Variants in HMGCLL1 observed in about 807,000 individuals in gnomAD.
The protein encoded by HMGCLL1 is 3-hydroxy-3-methylglutaryl-CoA lyase like 1, also known as 3-hydroxymethyl-3-methylglutaryl-CoA lyase, cytoplasmic.
Under a neutral mutation model 39.1 loss-of-function variants are expected in HMGCLL1, and 36 were observed. The observed-to-expected ratio is 0.92, with a 90% CI of 0.71 to 1.22. HMGCLL1 has a LOEUF of 1.22. HMGCLL1 is among the 50% of genes most tolerant of loss of function. HMGCLL1 has a pLI of 0.00. For synonymous variants in HMGCLL1, 149 were observed against 144.0 expected (o/e 1.03, Z -0.25); for missense variants, 451 against 416.5 (o/e 1.08, Z -0.72).
At chr6:55,583,347 C>T (rs910244275), upstream of HMGCLL1, among the ~76,000 whole-genome samples, 3 of 151,412 alleles carry the variant, frequency 2.0e-5, no homozygotes, top group Admixed American at 6.6e-5. Flanking sequence ...CCTCCCCTCT[C>T]CCCCCACCCC....
chr6:55,654,970 A>C, the HMGCLL1 span, among the ~76,000 whole-genome samples: 4 of 151,960 alleles, frequency 2.6e-5, no homozygotes, highest in Admixed American at 1.3e-4. Context: ...TTTGAATCCC[A>C]TGTTTCAAAT....
chr6:55,448,240 T>C (rs1360783720), intron 7 of HMGCLL1, among the ~76,000 whole-genome samples: 2 of 151,582 alleles, frequency 1.3e-5, no homozygotes, highest in Non-Finnish European at 2.9e-5. Flanking sequence ...TGTTGAAAAA[T>C]AGAGACAGAG....
chr6:55,537,103 T>C (rs1769079658), intron 3 of HMGCLL1, among the ~76,000 whole-genome samples: 1 of 142,420 alleles, frequency 7.0e-6, no homozygotes. Flanking sequence ...ATAAGATTTT[T>C]TTTCCAAAAT....
chr6:55,477,291 A>ATT (rs1765430705), intron 7 of HMGCLL1, among the ~76,000 whole-genome samples: 1 of 10,104 alleles, frequency 9.9e-5, no homozygotes, highest in African/African-American at 1.0e-3. Flanking sequence ...TATTATATAT[A>ATT]AAATAATATA....
chr6:55,595,796 A>G, the HMGCLL1 span, among the ~76,000 whole-genome samples: 1 of 152,216 alleles, frequency 6.6e-6, no homozygotes, highest in Non-Finnish European at 1.5e-5. Flanking sequence ...ATAAAGATGT[A>G]AAATTTTATA....
chr6:55,676,936 T>C, the HMGCLL1 span, among the ~76,000 whole-genome samples: 2 of 152,358 alleles, frequency 1.3e-5, no homozygotes, highest in Admixed American at 6.5e-5. Flanking sequence ...TGGGGCCTAT[T>C]TATTACTTCG....
chr6:55,543,635 C>A (rs1227740407), intron 1 of HMGCLL1, among the ~76,000 whole-genome samples: 1 of 143,944 alleles, frequency 6.9e-6, no homozygotes, highest in Non-Finnish European at 1.5e-5. Flanking sequence ...GGCATATTTG[C>A]TTGAGCCCAG....
intron 5 of HMGCLL1, among the ~76,000 whole-genome samples, chr6:55,499,638 C>T (rs905852724): frequency 2.6e-5 from 4 of 151,996 alleles, no homozygotes; most frequent in Non-Finnish European, 4.4e-5. Flanking sequence ...AAAATAATTA[C>T]ATACACTCAA....
At chr6:55,501,307 T>A (rs1182770383) in intron 5 of HMGCLL1, among the ~76,000 whole-genome samples, 1 of 151,910 alleles carries the variant, frequency 6.6e-6, no homozygotes, top group Non-Finnish European at 1.5e-5. Flanking sequence ...CTATTACTCT[T>A]TTAATAATAA....
At chr6:55,599,963 T>C in the HMGCLL1 span, among the ~76,000 whole-genome samples, 1,176 of 152,294 alleles carry the variant, frequency 7.7e-3, 67 homozygotes, top group Admixed American at 0.074. Flanking sequence ...CTCATTAAGC[T>C]CTCAATTATC....
chr6:55,509,405 T>C lies in HMGCLL1; in HGVS notation c.542+4643A>G, dbSNP rs576966188. Among the ~76,000 whole-genome samples, 18 of 151,954 alleles carry C rather than the reference T, an allele frequency of 1.2e-4. No homozygotes were observed. The South Asian group carries it at 3.1e-3, about 26-fold the overall frequency. On this transcript the variant is annotated intron_variant, in intron 5 of 8. Coordinates refer to ENST00000274901, the MANE Select transcript of HMGCLL1 (RefSeq NM_001042406.2). The stretch of plus-strand genomic sequence containing the variant: ...ATGGAGCCCTAAATAAGGAGACTCA[T>C]TATCTCACTCAACAAGACTGCTATT...
At chr6:55,527,225 G>C (rs962443955) in intron 3 of HMGCLL1, among the ~76,000 whole-genome samples, 1 of 152,000 alleles carries the variant, frequency 6.6e-6, no homozygotes, top group Non-Finnish European at 1.5e-5. Context: ...CAGTCTTGTG[G>C]CATATTTTAT....
At chr6:55,645,744 A>G in the HMGCLL1 span, among the ~76,000 whole-genome samples, 1 of 151,950 alleles carries the variant, frequency 6.6e-6, no homozygotes, top group South Asian at 2.1e-4. Flanking sequence ...CTTGGGATAA[A>G]TCCCATTTGG....
At chr6:55,662,869 T>TAA in the HMGCLL1 span, among the ~76,000 whole-genome samples, 1 of 151,784 alleles carries the variant, frequency 6.6e-6, no homozygotes, top group Non-Finnish European at 1.5e-5. Flanking sequence ...ATTTCAGAGC[T>TAA]AATTATTGCT....
chr6:55,564,809 C>T (rs79029434), intron 1 of HMGCLL1, among the ~76,000 whole-genome samples: 7,280 of 142,342 alleles, frequency 0.051, 566 homozygotes, highest in African/African-American at 0.18. Flanking sequence ...GTGGCATGTA[C>T]AGAACAAAAG....
chr6:55,544,461 T>A (rs1269816194), intron 1 of HMGCLL1, among the ~76,000 whole-genome samples: 1 of 152,124 alleles, frequency 6.6e-6, no homozygotes, highest in African/African-American at 2.4e-5. Context: ...GTTGACAGAA[T>A]CAGCCCAGAA....
At chr6:55,534,511 T>A (rs1361103091) in intron 3 of HMGCLL1, among the ~76,000 whole-genome samples, 1 of 152,210 alleles carries the variant, frequency 6.6e-6, no homozygotes, top group African/African-American at 2.4e-5. Context: ...GAGCCATTTA[T>A]GTTAGATTAA....
At chr6:55,552,350 C>A (rs911008045) in intron 1 of HMGCLL1, among the ~76,000 whole-genome samples, 1 of 152,142 alleles carries the variant, frequency 6.6e-6, no homozygotes, top group South Asian at 2.1e-4. Flanking sequence ...GGTGCATCTT[C>A]TAGGCATTCT....
At chr6:55,467,349 A>T (rs1408773980) in intron 7 of HMGCLL1, among the ~76,000 whole-genome samples, 1 of 152,084 alleles carries the variant, frequency 6.6e-6, no homozygotes, top group African/African-American at 2.4e-5. Flanking sequence ...GTTTAAACCA[A>T]ATGTCATTCC....
Sources: gnomAD v4.1 joint callset for allele counts (sites outside exome capture counted in the v4.1 genomes callset) on GRCh38, gnomAD v4.1.1 for gene constraint, MANE v1.5 for transcripts, NCBI Gene and HGNC (gene_info 2026-07-23, HGNC 2026-07-21) for gene names.